Variants in CD40LG observed in about 807,000 individuals in gnomAD.
CD40LG encodes the protein CD40 ligand, also known as CD40 antigen ligand.
A neutral mutation model predicts 17.2 loss-of-function variants in CD40LG; 1 was observed. The observed-to-expected ratio is 0.06, with a 90% CI of 0.02 to 0.28. The LOEUF (loss-of-function observed/expected upper bound fraction) is 0.28, where lower values mean the gene tolerates loss of function less well. Among genes scored for constraint, CD40LG ranks in the 10% least tolerant of loss-of-function variants. The pLI is 1.00. For missense variants in CD40LG, 133 were observed against 193.2 expected (o/e 0.69, Z 1.85); for synonymous variants, 66 against 74.4 (o/e 0.89, Z 0.58).
intron 4 of CD40LG, 79 bp from the exon 5 acceptor site, chrX:136,658,960 C>T (rs770475389): frequency 1.0e-5 from 11 of 1,085,716 alleles, no homozygotes; most frequent in Non-Finnish European, 1.4e-5. Flanking sequence ...CAATATCCAA[C>T]ATTAAACTAT....
At position 136,659,463 on chromosome X, in the gene CD40LG, A is replaced by G; in HGVS notation, c.*48A>G. 2 of 1,175,238 alleles carry G rather than the reference A, an allele frequency of 1.7e-6. No individual in the cohort carries two copies. The highest frequency in any genetic ancestry group is 3.0e-5 in the East Asian group (1 of 33,685). On this transcript the variant is annotated 3_prime_UTR_variant, in exon 5 of 5. Coordinates refer to ENST00000370629, the MANE Select transcript of CD40LG (RefSeq NM_000074.3). Reference sequence around the variant, plus strand: ...GGTGGAGCTGACGCTGGGAGTCTTCATAATACAGCACAGCGGTTAAGCCCA... The same window carrying G: ...GGTGGAGCTGACGCTGGGAGTCTTCGTAATACAGCACAGCGGTTAAGCCCA...
At chrX:136,654,527 A>G in intron 3 of CD40LG, 97 bp downstream of exon 3, 1 of 632,730 alleles carries the variant, frequency 1.6e-6, no homozygotes, top group Non-Finnish European at 2.6e-6. Context: ...TGCATCAGGG[A>G]ACTTTTAGCC....
At chrX:136,650,456 TC>T in intron 2 of CD40LG, 59 bp downstream of exon 2, 1 of 1,063,522 alleles carries the variant, frequency 9.4e-7, no homozygotes, top group Non-Finnish European at 1.3e-6. Context: ...ATTTGCTAGA[TC>T]GGGAAACTGA....
At chrX:136,654,025 CT>C (rs2076111797) in intron 2 of CD40LG, among the ~76,000 whole-genome samples, 1 of 112,011 alleles carries the variant, frequency 8.9e-6, no homozygotes, top group Non-Finnish European at 1.9e-5. Flanking sequence ...GTAGAATCAT[CT>C]CCCCATTCGG....
chrX:136,658,521 G>T (rs180843026), intron 4 of CD40LG, among the ~76,000 whole-genome samples: 4 of 111,954 alleles, frequency 3.6e-5, no homozygotes, highest in South Asian at 3.8e-4. Flanking sequence ...GCATGATCAG[G>T]TAGGAAGAAA....
At chrX:136,648,448 T>C in intron 1 of CD40LG, 44 bp downstream of exon 1, 1 of 1,113,853 alleles carries the variant, frequency 9.0e-7, no homozygotes, top group South Asian at 1.8e-5. Flanking sequence ...TTGGGGTCCT[T>C]ACTAATTCAT....
intron 2 of CD40LG, among the ~76,000 whole-genome samples, chrX:136,650,929 G>A (rs771856589): frequency 4.5e-5 from 5 of 110,616 alleles, no homozygotes; most frequent in Non-Finnish European, 9.5e-5. Context: ...GAGGTGCAGG[G>A]AATAAGTAAT....
intron 3 of CD40LG, among the ~76,000 whole-genome samples, chrX:136,654,925 G>C (rs1282361641): frequency 9.0e-6 from 1 of 111,142 alleles, no homozygotes; most frequent in African/African-American, 3.3e-5. Flanking sequence ...GAACTTGAGA[G>C]TTCTCAAATC....
At chrX:136,648,497 C>T in intron 1 of CD40LG, 93 bp downstream of exon 1, 2 of 772,478 alleles carry the variant, frequency 2.6e-6, no homozygotes, top group Non-Finnish European at 4.0e-6. Context: ...TGGTAGAAAC[C>T]AAATAGAAGA....
Position 136,659,678 on chromosome X carries a change from T to C in CD40LG, c.*263T>C. ...TGATGCAGACATCCAGAGAGTCCTA[T>C]GAAAAGACAAGGCCATTATGCACAG... On this transcript the variant is annotated 3_prime_UTR_variant, in exon 5 of 5. Coordinates refer to ENST00000370629, the MANE Select transcript of CD40LG (RefSeq NM_000074.3). 2 of 381,677 alleles carry C rather than the reference T, an allele frequency of 5.2e-6. No homozygotes were observed. Among genetic ancestry groups the C allele is most frequent in the Non-Finnish European group, 9.1e-6 (2 of 220,768 alleles). 31.5% of individuals were successfully genotyped at this position (381,677 alleles called of 1,213,427 possible). A position where few individuals can be genotyped will look rare whatever the true frequency, so the allele number is the denominator to read the frequency against.
chrX:136,656,310 C>T (rs1158636790), intron 3 of CD40LG, 46 bp from the exon 4 acceptor site: 2 of 1,012,448 alleles, frequency 2.0e-6, no homozygotes, highest in Admixed American at 4.4e-5. Context: ...GTTTTGTGGG[C>T]AGTTTTTGCA....
chrX:136,655,678 G>C (rs2076117084), intron 3 of CD40LG, among the ~76,000 whole-genome samples: 2 of 112,416 alleles, frequency 1.8e-5, no homozygotes, highest in African/African-American at 6.5e-5. Context: ...TTGAGTAATA[G>C]TACCACGCTG....
chrX:136,655,325 T>C (rs1895608729), intron 3 of CD40LG, among the ~76,000 whole-genome samples: 1 of 111,944 alleles, frequency 8.9e-6, no homozygotes, highest in African/African-American at 3.3e-5. Context: ...CCAGGACCTT[T>C]CTTCTGCCAC....
chrX:136,657,419 G>T (rs1398616276), intron 4 of CD40LG, among the ~76,000 whole-genome samples: 1 of 111,463 alleles, frequency 9.0e-6, no homozygotes, highest in Non-Finnish European at 1.9e-5. Flanking sequence ...CCTTGAGCAA[G>T]ACCCTTTACC....
intron 1 of CD40LG, among the ~76,000 whole-genome samples, chrX:136,648,869 C>T (rs930544292): frequency 8.9e-6 from 1 of 112,063 alleles, no homozygotes; most frequent in African/African-American, 3.2e-5. Flanking sequence ...GCAAGAAGAG[C>T]GTCAATTTGA....
Position 136,660,105 on chromosome X carries a change from A to AACACACACACACACAC in CD40LG, c.*728_*743dup, listed in dbSNP as rs56074249. On this transcript the variant is annotated 3_prime_UTR_variant, in exon 5 of 5. Coordinates refer to ENST00000370629, the MANE Select transcript of CD40LG (RefSeq NM_000074.3). The stretch of plus-strand genomic sequence containing the variant: ...GTCTCTCTTCTCAATCCCCCTTTCT[A>AACACACACACACACAC]ACACACACACACACACACACACACA... 2.6e-5 allele frequency: 1 copy of AACACACACACACACAC among 37,987 alleles called. No individual in the cohort carries two copies. The highest frequency in any genetic ancestry group is 9.0e-5 in the African/African-American group (1 of 11,077). The allele number at this position is 37,987 out of a possible 1,213,427, so 3.1% of individuals were successfully genotyped here.
At position 136,648,274 on chromosome X, in the gene CD40LG, C is replaced by T. The variant is rs1338696512; in HGVS notation, c.26C>T (p.Ser9Phe). 8.3e-6 allele frequency: 10 copies of T among 1,202,489 alleles called. No homozygotes were observed. The highest frequency in any genetic ancestry group is 1.1e-5 in the Non-Finnish European group (10 of 888,888). Residue 9 changes from serine (S) to phenylalanine (F), a missense_variant, in exon 1 of 5, where the codon TCT becomes TTT. Coordinates refer to ENST00000370629, the MANE Select transcript of CD40LG (RefSeq NM_000074.3). The part of the protein sequence containing the change: MIETYNQT[S>F]PRSAATGLPI... ...ATGATCGAAACATACAACCAAACTT[C>T]TCCCCGATCTGCGGCCACTGGACTG...
In CD40LG at chrX:136,659,302, T is replaced by C. The variant is rs917505559; in HGVS notation, c.673T>C (p.Leu225=). Residue 225 remains leucine (L), a synonymous_variant, in exon 5 of 5, where the codon TTG becomes CTG. Coordinates refer to ENST00000370629, the MANE Select transcript of CD40LG (RefSeq NM_000074.3). The stretch of plus-strand genomic sequence containing the variant: ...ACCTTGCGGGCAACAATCCATTCAC[T>C]TGGGAGGAGTATTTGAATTGCAACC... ...AKPCGQQSIH[L]GGVFELQPGA... is the part of the protein sequence containing the mutation. 5.8e-6 allele frequency: 7 copies of C among 1,210,848 alleles called. No individual in the cohort carries two copies. The African/African-American group carries it at 6.9e-5, about 12-fold the overall frequency.
intron 2 of CD40LG, among the ~76,000 whole-genome samples, chrX:136,653,684 T>A (rs1269119984): frequency 8.9e-6 from 1 of 112,516 alleles, no homozygotes; most frequent in Non-Finnish European, 1.9e-5. Context: ...TTTAAATACC[T>A]CTAGACTTCC....
Sources: allele counts gnomAD v4.1 joint callset (sites outside exome capture counted in the v4.1 genomes callset), GRCh38; gene constraint gnomAD v4.1.1; transcripts MANE v1.5; gene names NCBI Gene and HGNC (gene_info 2026-07-23, HGNC 2026-07-21).